The following LIFR variants were observed in gnomAD, a reference collection of about 807,000 sequenced individuals.
The protein encoded by LIFR is LIF receptor subunit alpha.
A neutral mutation model predicts 122.2 loss-of-function variants in LIFR; 84 were observed. The observed-to-expected ratio is 0.69, with a 90% CI of 0.58 to 0.82. The LOEUF (loss-of-function observed/expected upper bound fraction) is 0.82. LIFR is among the 40% of genes least tolerant of loss of function. LIFR has a pLI of 0.00. For synonymous variants in LIFR, 422 were observed against 434.7 expected (o/e 0.97, Z 0.36); for missense variants, 1,294 against 1,311.6 (o/e 0.99, Z 0.21).
At chr5:38,556,714 A>T (rs922159954), upstream of LIFR, 1 of 105,436 alleles carries the variant, frequency 9.5e-6, no homozygotes, top group Non-Finnish European at 2.1e-5. Context: ...CCCGCCCCTG[A>T]CCCGCCCCTG....
intron 1 of LIFR, chr5:38,550,235 A>G: frequency 2.1e-6 from 2 of 974,140 alleles, no homozygotes; most frequent in Non-Finnish European, 2.4e-6. Context: ...TTGGTTTTAA[A>G]CAATCATATC....
chr5:38,504,216 G>A (rs946305856), intron 9 of LIFR, 95 bp from the exon 10 acceptor site: 33 of 881,848 alleles, frequency 3.7e-5, no homozygotes, highest in Middle Eastern at 3.4e-4. Flanking sequence ...AAACAACGAG[G>A]CATCATTAGT....
chr5:38,507,466 A>C (rs1745551713), intron 7 of LIFR, among the ~76,000 whole-genome samples: 1 of 148,858 alleles, frequency 6.7e-6, no homozygotes. Context: ...CGGGAGGCTG[A>C]GGCAGGAGAA....
chr5:38,593,609 C>G (rs554764272), intron 1 of LIFR, among the ~76,000 whole-genome samples: 1 of 152,162 alleles, frequency 6.6e-6, no homozygotes, highest in South Asian at 2.1e-4. Context: ...GAGAGGGGCA[C>G]ATAAGGTAAT....
chr5:38,484,790 T>G lies in LIFR; in HGVS notation c.2576A>C (p.Tyr859Ser). The G allele has an allele frequency of 1.2e-6, 2 of 1,611,672 alleles. No homozygotes were observed. Among genetic ancestry groups the G allele is most frequent in the Non-Finnish European group, 1.7e-6 (2 of 1,177,846 alleles). ...GAACTATTACCATTCTCGTTTCCGATAGCAAAGGATACTTGTCACCACTCC... is the reference window on the plus strand; with the variant it reads ...GAACTATTACCATTCTCGTTTCCGAGAGCAAAGGATACTTGTCACCACTCC... ...IVGVVTSILC[Y>S]RKREWIKETF... Residue 859 changes from tyrosine to serine, a missense_variant, in exon 18 of 20, where the codon TAT becomes TCT. Physicochemically the swap from Tyr to Ser is moderately radical, Grantham distance 144. Coordinates refer to ENST00000453190, the MANE Select transcript of LIFR (RefSeq NM_001127671.2).
intron 3 of LIFR, among the ~76,000 whole-genome samples, chr5:38,528,376 T>C (rs1018129715): frequency 6.6e-6 from 1 of 152,200 alleles, no homozygotes; most frequent in Non-Finnish European, 1.5e-5. Context: ...AGCAAACTTT[T>C]CAGGCTCCCC....
intron 1 of LIFR, among the ~76,000 whole-genome samples, chr5:38,575,750 T>A (rs1023716410): frequency 6.6e-6 from 1 of 152,120 alleles, no homozygotes; most frequent in African/African-American, 2.4e-5. Flanking sequence ...CTCTTCTCCA[T>A]CCTCTGTAGG....
chr5:38,499,827 G>A (rs1427363203), intron 11 of LIFR, among the ~76,000 whole-genome samples: 1 of 152,068 alleles, frequency 6.6e-6, no homozygotes. Context: ...GTTCCCCTCT[G>A]CCTCACATCC....
chr5:38,590,706 A>G (rs951252782), intron 1 of LIFR, among the ~76,000 whole-genome samples: 40 of 152,202 alleles, frequency 2.6e-4, no homozygotes, highest in African/African-American at 9.4e-4. Context: ...TGCAAGTATT[A>G]TCCCACTAAA....
chr5:38,492,957 G>A (rs1384635840), intron 14 of LIFR, among the ~76,000 whole-genome samples: 1 of 152,158 alleles, frequency 6.6e-6, no homozygotes, highest in Non-Finnish European at 1.5e-5. Context: ...ACTCCTCTGT[G>A]GAAAAACTTC....
intron 5 of LIFR, among the ~76,000 whole-genome samples, chr5:38,519,395 T>G (rs950079323): frequency 6.6e-6 from 1 of 152,234 alleles, no homozygotes; most frequent in Admixed American, 6.5e-5. Flanking sequence ...ATGCACAGAA[T>G]GTGTAATGAT....
Position 38,481,729 on chromosome 5 carries a change from T to A in LIFR, c.3160A>T (p.Ile1054Phe), listed in dbSNP as rs1256475206. 2 of 1,613,986 alleles carry A rather than the reference T, an allele frequency of 1.2e-6. No homozygotes were observed. The highest frequency in any genetic ancestry group is 1.7e-6 in the Non-Finnish European group (2 of 1,180,022). ...GAGCATGGACTTCCAAATGAGACAA[T>A]CTCACTGTTGCTGTCTATGGATCTA... Reference protein sequence around the residue: ...SPRSIDSNSEIVSFGSPCSIN... With the variant: ...SPRSIDSNSEFVSFGSPCSIN... Residue 1054 changes from isoleucine to phenylalanine, a missense_variant, in exon 20 of 20, where the codon ATT becomes TTT. By Grantham distance (21) the Ile-to-Phe change is conservative. Coordinates refer to ENST00000453190, the MANE Select transcript of LIFR (RefSeq NM_001127671.2).
Position 38,482,081 on chromosome 5 carries a change from G to A in LIFR, c.2808C>T (p.Arg936=), listed in dbSNP as rs1463564537. The change falls in exon 20 of 20, where the codon CGC becomes CGT. Residue 936 remains arginine (R), a synonymous_variant. Coordinates refer to ENST00000453190, the MANE Select transcript of LIFR (RefSeq NM_001127671.2). ...CATGGTTTTCAGGCTCTGCATCAGA[G>A]CGATCTTCAGGACGCTCAGCTACTG... The part of the protein sequence containing the change: ...ISPVAERPED[R]SDAEPENHVV... The A allele has an allele frequency of 5.6e-6, 9 of 1,601,942 alleles. No homozygotes were observed. The highest frequency in any genetic ancestry group is 2.7e-5 in the African/African-American group (2 of 74,290).
Position 38,485,925 on chromosome 5 carries a change from T to G in LIFR, c.2391A>C (p.Arg797Ser). The G allele has an allele frequency of 6.2e-7, 1 of 1,613,974 alleles. No homozygotes were observed. Among genetic ancestry groups the G allele is most frequent in the Non-Finnish European group, 8.5e-7 (1 of 1,179,796 alleles). Residue 797 changes from arginine to serine, a missense_variant, in exon 17 of 20, where the codon AGA becomes AGC. Physicochemically the swap from Arg to Ser is moderately radical, Grantham distance 110. Transcript: ENST00000453190. ...NITDISQKTL[R>S]IADLQGKTSY... ...TTGTTTTACCTTGAAGATCAGCAAT[T>G]CTCAGTGTCTTCTGGGATATGTCAG...
chr5:38,525,867 G>A (rs1229027399), intron 4 of LIFR, among the ~76,000 whole-genome samples: 2 of 152,136 alleles, frequency 1.3e-5, no homozygotes, highest in Non-Finnish European at 2.9e-5. Context: ...TATGAAACAC[G>A]GGAGTATTTT....
Position 38,482,606 on chromosome 5 carries a change from G to C in LIFR, c.2653C>G (p.Gln885Glu). ...AAGATTACCTCACAGACACTCTTTTGAAACTGTAATGCTTTACAGTTTTCT... is the reference window on the plus strand; with the variant it reads ...AAGATTACCTCACAGACACTCTTTTCAAACTGTAATGCTTTACAGTTTTCT... ...NPENCKALQF[Q>E]KSVCEGSSAL... is the part of the protein sequence containing the mutation. Residue 885 changes from glutamine to glutamate, a missense_variant, in exon 19 of 20, where the codon CAA (glutamine) becomes GAA (glutamate). Coordinates refer to ENST00000453190, the MANE Select transcript of LIFR (RefSeq NM_001127671.2). 2 of 1,494,092 alleles carry C rather than the reference G, an allele frequency of 1.3e-6. No homozygotes were observed. Among genetic ancestry groups the C allele is most frequent in the Non-Finnish European group, 1.8e-6 (2 of 1,094,964 alleles). 92.6% of individuals were successfully genotyped at this position (1,494,092 alleles called of 1,614,324 possible).
exon 1 of LIFR, chr5:38,595,290 T>A (rs1027439709): frequency 3.9e-5 from 6 of 153,724 alleles, no homozygotes; most frequent in African/African-American, 1.4e-4. Flanking sequence ...TCGCAGAGGC[T>A]CCCTTTCTGA....
upstream of LIFR, chr5:38,556,684 G>A (rs1044528837): frequency 4.1e-5 from 6 of 145,694 alleles, no homozygotes; most frequent in African/African-American, 1.2e-4. Context: ...CCGCTCGGCT[G>A]GGGGCGCAGC....
upstream of LIFR, among the ~76,000 whole-genome samples, chr5:38,597,376 A>G (rs3812043): frequency 0.33 from 50,652 of 152,116 alleles, 9,352 homozygotes; most frequent in Non-Finnish European, 0.41. Flanking sequence ...GTGGGGTGAG[A>G]GGATGCCAAA....
Sources: allele counts gnomAD v4.1 joint callset (sites outside exome capture counted in the v4.1 genomes callset), GRCh38; gene constraint gnomAD v4.1.1; transcripts MANE v1.5; gene names NCBI Gene and HGNC (gene_info 2026-07-23, HGNC 2026-07-21).